The following CASZ1 variants were observed in gnomAD, a reference collection of about 807,000 sequenced individuals.
CASZ1 encodes the protein castor zinc finger 1, also known as zinc finger protein castor homolog 1.
A neutral mutation model predicts 135.2 loss-of-function variants in CASZ1; 28 were observed. The ratio of observed to expected loss-of-function variants is 0.21; its 90% CI spans 0.15 to 0.28. The LOEUF (loss-of-function observed/expected upper bound fraction) is 0.28. Ranked by LOEUF, CASZ1 falls within the 10% of genes least tolerant of loss-of-function variation. CASZ1 has a pLI of 1.00. For missense variants in CASZ1, 2,161 were observed against 2,453.3 expected, an observed-to-expected ratio of 0.88 and a Z score of 2.52; for synonymous variants, 1,068 against 1,073.4, an observed-to-expected ratio of 0.99 and a Z score of 0.10.
chr1:10,656,780 A>G (rs1225421900), intron 7 of CASZ1, 44 bp from the exon 8 acceptor site: 2 of 1,341,298 alleles, frequency 1.5e-6, no homozygotes, highest in Non-Finnish European at 1.0e-6. Flanking sequence ...TGTGGGTGAC[A>G]GTCCCAGCCC....
chr1:10,656,835 G>A (rs1642815795), intron 7 of CASZ1, 99 bp from the exon 8 acceptor site: 5 of 732,292 alleles, frequency 6.8e-6, no homozygotes, highest in African/African-American at 1.7e-5. Context: ...GGCCCTGTAT[G>A]GGATGCAGAG....
Position 10,693,742 on chromosome 1 carries a change from G to C in CASZ1, c.16+132C>G, listed in dbSNP as rs577448819. The C allele has an allele frequency of 1.3e-3, 1,107 of 822,846 alleles. 15 individuals are homozygous for C. In the African/African-American group the frequency reaches 0.017, roughly 13 times the overall value. The allele number at this position is 822,846 out of a possible 1,614,324, so 51.0% of individuals were successfully genotyped here. ...CGCCGATCCCGAGGCCGGGACGCCG[G>C]GAGGCAGCCGCCCGACCCTCCCGGC... On this transcript the variant is annotated intron_variant, in intron 4 of 20. Coordinates refer to ENST00000377022, the MANE Select transcript of CASZ1 (RefSeq NM_001079843.3).
At chr1:10,703,849 T>C (rs565638513) in intron 3 of CASZ1, among the ~76,000 whole-genome samples, 2 of 152,366 alleles carry the variant, frequency 1.3e-5, no homozygotes, top group South Asian at 2.1e-4. Context: ...CCATAGCTAA[T>C]ACCTGAATAA....
chr1:10,787,946 G>T (rs1026301986), intron 1 of CASZ1, among the ~76,000 whole-genome samples: 5 of 151,420 alleles, frequency 3.3e-5, no homozygotes, highest in Non-Finnish European at 7.4e-5. Context: ...TTGAAAAAAT[G>T]TTTTTTTTTA....
In CASZ1 at chr1:10,647,719, C is replaced by T; in HGVS notation, c.3497+82G>A. 1 of 1,591,158 alleles carries T rather than the reference C, an allele frequency of 6.3e-7. No individual in the cohort carries two copies. Among genetic ancestry groups the T allele is most frequent in the Non-Finnish European group, 8.5e-7 (1 of 1,174,958 alleles). On this transcript the variant is annotated intron_variant, in intron 16 of 20. Coordinates refer to ENST00000377022, the MANE Select transcript of CASZ1 (RefSeq NM_001079843.3). This position sits in a 1 kb window ranked among gnomAD's most constrained non-coding sequence, Gnocchi z 4.9. ...CAGCAGCACCATCCGCAGTGAGGAA[C>T]AGGGCCTCCTAGCGCCCTTGCTAGC...
rs188395032 is a variant in CASZ1, at chr1:10,654,471, C to T, written c.1786G>A (p.Gly596Ser). 1.9e-6 allele frequency: 3 copies of T among 1,614,246 alleles called. No individual in the cohort carries two copies. The highest frequency in any genetic ancestry group is 2.2e-5 in the East Asian group (1 of 44,886). ...CCGTAGAACTGGCAGTCGGCTGTGC[C>T]ACAGTCTTCGGTGGCTCGGAAGCGC... ...FQRFRATEDC[G>S]TADCQFYGQK... The change falls in exon 10 of 21, where the codon GGC (glycine) becomes AGC (serine). Residue 596 changes from glycine (G) to serine (S), a missense_variant. Physicochemically the swap from Gly to Ser is moderately conservative, Grantham distance 56 (BLOSUM62 0). Coordinates refer to ENST00000377022, the MANE Select transcript of CASZ1 (RefSeq NM_001079843.3).
chr1:10,729,137 G>A (rs1302059441), intron 2 of CASZ1, among the ~76,000 whole-genome samples: 1 of 152,118 alleles, frequency 6.6e-6, no homozygotes, highest in South Asian at 2.1e-4. Flanking sequence ...GGGGGCGGCC[G>A]GCCTGCGGCT....
Position 10,646,135 on chromosome 1 carries a change from G to A in CASZ1, c.3689C>T (p.Pro1230Leu). The A allele has an allele frequency of 3.1e-6, 5 of 1,614,040 alleles. No individual in the cohort carries two copies. The highest frequency in any genetic ancestry group is 4.2e-6 in the Non-Finnish European group (5 of 1,180,006). ...GTGTACCGCCATGCTGACCTGGTTG[G>A]GACAGAGACACTGCAGAGAGTAGTA... is the stretch of plus-strand genomic sequence containing the variant. ...FAYYSLQCLC[P>L]NQHCEFRMRG... is the part of the protein sequence containing the mutation. The change falls in exon 17 of 21, where the codon CCC (proline) becomes CTC (leucine). Residue 1230 changes from proline to leucine, a missense_variant. Transcript: ENST00000377022. This position sits in a 1 kb window ranked among gnomAD's most constrained non-coding sequence, Gnocchi z 6.4.
chr1:10,692,909 C>CTTGTTTCTT (rs914415392), intron 4 of CASZ1, among the ~76,000 whole-genome samples: 2 of 152,208 alleles, frequency 1.3e-5, no homozygotes, highest in Admixed American at 1.3e-4. Context: ...GATCGGGCTG[C>CTTGTTTCTT]TTGTTTCTTT....
rs1038169111 is a variant in CASZ1 at position 10,679,751 on chromosome 1, A to G, written c.16+14123T>C. ...TCCACTTCAGGTTTTCCATACTACA[A>G]CCCCGAGTGTCACCACAGGGTCCGG... is the stretch of plus-strand genomic sequence containing the variant. On this transcript the variant is annotated intron_variant, in intron 4 of 20. Coordinates refer to ENST00000377022, the MANE Select transcript of CASZ1 (RefSeq NM_001079843.3). The surrounding 1 kb of genome is among the most constrained non-coding windows in gnomAD (Gnocchi z 4.7). 1.3e-5 allele frequency among the ~76,000 whole-genome samples: 2 copies of G among 151,524 alleles called. No individual in the cohort carries two copies. The highest frequency in any genetic ancestry group is 2.9e-5 in the Non-Finnish European group (2 of 67,846).
intron 1 of CASZ1, among the ~76,000 whole-genome samples, chr1:10,791,703 TTA>T (rs1640958084): frequency 6.6e-6 from 1 of 151,600 alleles, no homozygotes. Flanking sequence ...ACTCATGTTC[TTA>T]TGTCACTGGG....
chr1:10,748,120 G>T (rs950191344), intron 2 of CASZ1, among the ~76,000 whole-genome samples: 5 of 152,084 alleles, frequency 3.3e-5, no homozygotes, highest in African/African-American at 1.2e-4. Context: ...GCCCGGCCAT[G>T]TGCTCGCCTT....
chr1:10,649,246 G>T, intron 14 of CASZ1, 37 bp downstream of exon 14: 1 of 1,607,004 alleles, frequency 6.2e-7, no homozygotes. Flanking sequence ...GGCGGGTGCG[G>T]GGGGACGATG....
rs184648289 is a variant in CASZ1, at chr1:10,640,527, C to T, written c.4163-468G>A. The stretch of plus-strand genomic sequence containing the variant: ...GCCGGCTACCCGGCTTCCCTGGCTG[C>T]GCCTGTCTGCACAGGGGGAGCTGCC... On this transcript the variant is annotated intron_variant, in intron 20 of 20. Coordinates refer to ENST00000377022, the MANE Select transcript of CASZ1 (RefSeq NM_001079843.3). Among the ~76,000 whole-genome samples, 3 of 152,332 alleles carry T rather than the reference C, an allele frequency of 2.0e-5. No homozygotes were observed. The East Asian group carries it at 5.8e-4, about 29-fold the overall frequency.
At chr1:10,763,240 C>T (rs757661195) in intron 1 of CASZ1, among the ~76,000 whole-genome samples, 50 of 152,302 alleles carry the variant, frequency 3.3e-4, no homozygotes, top group Non-Finnish European at 6.0e-4. Context: ...CTGTGACCAG[C>T]GGCTCCATGG....
At chr1:10,779,591 C>A (rs1640726650) in intron 1 of CASZ1, among the ~76,000 whole-genome samples, 2 of 152,182 alleles carry the variant, frequency 1.3e-5, no homozygotes, top group African/African-American at 2.4e-5. Flanking sequence ...AAATAAAAAA[C>A]AAATCACCGT....
Position 10,639,157 on chromosome 1 carries a change from C to T in CASZ1, c.5065G>A (p.Ala1689Thr). The T allele has an allele frequency of 1.4e-5, 15 of 1,076,288 alleles. No individual in the cohort carries two copies. Among genetic ancestry groups the T allele is most frequent in the African/African-American group, 1.7e-5 (1 of 58,114 alleles). 66.7% of individuals were successfully genotyped at this position (1,076,288 alleles called of 1,614,324 possible). A position where few individuals can be genotyped will look rare whatever the true frequency, so the allele number is the denominator to read the frequency against. The change falls in exon 21 of 21, where the codon GCC becomes ACC. Residue 1689 changes from alanine to threonine, a missense_variant. Ala to Thr is a moderately conservative substitution (Grantham distance 58). Coordinates refer to ENST00000377022, the MANE Select transcript of CASZ1 (RefSeq NM_001079843.3). This position sits in a 1 kb window ranked among gnomAD's most constrained non-coding sequence, Gnocchi z 4.0. ...TCGTCCTCGTCCTCGTCGTCTTCGG[C>T]CTCCTCCTCCGGCAGCTCCAGCTCC... is the stretch of plus-strand genomic sequence containing the variant. ...EEELELPEEEAEDDEDEDDDE... is the reference protein window; with the variant it reads ...EEELELPEEETEDDEDEDDDE...
At position 10,639,453 on chromosome 1, in the gene CASZ1, G is replaced by C; in HGVS notation, c.4769C>G (p.Ser1590Trp). The C allele has an allele frequency of 1.3e-6, 2 of 1,599,698 alleles. No individual in the cohort carries two copies. The highest frequency in any genetic ancestry group is 8.5e-7 in the Non-Finnish European group (1 of 1,174,366). ...CTGCTTCTCGTGCTTGCGCTTGTGC[G>C]AGTCCATCTGCGACATGCCCACCAC... ...HTVVGMSQMDSHKRKHEKQER... is the reference protein window; with the variant it reads ...HTVVGMSQMDWHKRKHEKQER... The change falls in exon 21 of 21, where the codon TCG (serine) becomes TGG (tryptophan). Residue 1590 changes from serine (S) to tryptophan (W), a missense_variant. Ser to Trp is a radical substitution (Grantham distance 177, BLOSUM62 -3). This residue lies in a region of CASZ1 where 240 missense variants were observed against 321.4 expected (regional missense o/e 0.75). Coordinates refer to ENST00000377022, the MANE Select transcript of CASZ1 (RefSeq NM_001079843.3). The surrounding 1 kb of genome is among the most constrained non-coding windows in gnomAD (Gnocchi z 4.0).
At chr1:10,643,981 T>C (rs1255364740) in intron 18 of CASZ1, among the ~76,000 whole-genome samples, 2 of 152,260 alleles carry the variant, frequency 1.3e-5, no homozygotes, top group Admixed American at 6.5e-5. Flanking sequence ...TTGGCATGGC[T>C]ACCAGTCCTC....
Sources: allele counts gnomAD v4.1 joint callset (sites outside exome capture counted in the v4.1 genomes callset), GRCh38; gene constraint gnomAD v4.1.1; regional missense constraint gnomAD v4.1.1; non-coding constraint Gnocchi (gnomAD v3.1); transcripts MANE v1.5; gene names NCBI Gene and HGNC (gene_info 2026-07-23, HGNC 2026-07-21).